The following PCDH17 variants were observed in gnomAD, a reference collection of about 807,000 sequenced individuals.
The protein encoded by PCDH17 is protocadherin-17.
PCDH17 carries 21 observed loss-of-function variants against 67.7 expected under a neutral mutation model. The ratio of observed to expected loss-of-function variants is 0.31; its 90% CI spans 0.22 to 0.45. The LOEUF (loss-of-function observed/expected upper bound fraction) is 0.45, where lower values mean the gene tolerates loss of function less well. Among genes scored for constraint, PCDH17 ranks in the 20% least tolerant of loss-of-function variants. The pLI is 1.00. For synonymous variants in PCDH17, 701 were observed against 656.7 expected, an observed-to-expected ratio of 1.07 and a Z score of -1.03; for missense variants, 1,471 against 1,564.8, an observed-to-expected ratio of 0.94 and a Z score of 1.01.
rs141382823 is a variant in PCDH17 at position 57,633,068 on chromosome 13, C to G, written c.522C>G (p.Asp174Glu). The G allele has an allele frequency of 2.5e-6, 4 of 1,613,346 alleles. No individual in the cohort carries two copies. Among genetic ancestry groups the G allele is most frequent in the Non-Finnish European group, 3.4e-6 (4 of 1,179,986 alleles). Residue 174 changes from aspartate (D) to glutamate (E), a missense_variant, in exon 1 of 4, where the codon GAC becomes GAG. Physicochemically the swap from Asp to Glu is conservative, Grantham distance 45 (BLOSUM62 2). Coordinates refer to ENST00000377918, the MANE Select transcript of PCDH17 (RefSeq NM_001040429.3). This position sits in a 1 kb window ranked among gnomAD's most constrained non-coding sequence, Gnocchi z 6.2. Reference sequence around the variant, plus strand: ...TCCGCACCTACCTGCTCACGCGCGACGATCACGGCCTCTTTGGACTGGACG... The same window carrying G: ...TCCGCACCTACCTGCTCACGCGCGAGGATCACGGCCTCTTTGGACTGGACG... The part of the protein sequence containing the change: ...NGLRTYLLTR[D>E]DHGLFGLDVK...
Position 57,725,199 on chromosome 13 carries a change from G to C in PCDH17, c.3385G>C (p.Gly1129Arg). 1 of 1,614,112 alleles carries C rather than the reference G, an allele frequency of 6.2e-7. No individual in the cohort carries two copies. Among genetic ancestry groups the C allele is most frequent in the Non-Finnish European group, 8.5e-7 (1 of 1,179,996 alleles). The change falls in exon 4 of 4, where the codon GGC becomes CGC. Residue 1129 changes from glycine (G) to arginine (R), a missense_variant. By Grantham distance (125) the Gly-to-Arg change is moderately radical (BLOSUM62 -2). Transcript: ENST00000377918. ...GCTTGACCACCCCAACAGGGATCTG[G>C]GCAGAGAGTCTGTGGATGCAGAGGA... Reference protein sequence around the residue: ...EQLDHPNRDLGRESVDAEEVV... With the variant: ...EQLDHPNRDLRRESVDAEEVV...
chr13:57,725,173 A>C lies in PCDH17; in HGVS notation c.3359A>C (p.Gln1120Pro). 6.2e-7 allele frequency: 1 copy of C among 1,614,174 alleles called. No individual in the cohort carries two copies. The highest frequency in any genetic ancestry group is 8.5e-7 in the Non-Finnish European group (1 of 1,180,022). ...AGTGAGATGGGTGCTGTTCTTGAGC[A>C]GCTTGACCACCCCAACAGGGATCTG... ...DSSEMGAVLE[Q>P]LDHPNRDLGR... The change falls in exon 4 of 4, where the codon CAG becomes CCG. Residue 1120 changes from glutamine to proline, a missense_variant. Coordinates refer to ENST00000377918, the MANE Select transcript of PCDH17 (RefSeq NM_001040429.3).
chr13:57,671,229 G>A (rs952885705), intron 3 of PCDH17, among the ~76,000 whole-genome samples: 2 of 150,858 alleles, frequency 1.3e-5, no homozygotes, highest in African/African-American at 2.4e-5. Context: ...TTAATAAAAA[G>A]GTAAATATGT....
intron 1 of PCDH17, among the ~76,000 whole-genome samples, chr13:57,652,957 C>T (rs1006220453): frequency 6.6e-6 from 1 of 152,116 alleles, no homozygotes; most frequent in African/African-American, 2.4e-5. Context: ...AAGGCTTCTA[C>T]ACGTTAAACA....
intron 1 of PCDH17, among the ~76,000 whole-genome samples, chr13:57,660,851 C>A (rs1226384106): frequency 1.3e-5 from 2 of 152,162 alleles, no homozygotes; most frequent in South Asian, 2.1e-4. Flanking sequence ...CGGGTTGTTA[C>A]AACAGTAGTC....
intron 3 of PCDH17, among the ~76,000 whole-genome samples, chr13:57,716,841 T>A (rs1196425890): frequency 6.6e-6 from 1 of 151,836 alleles, no homozygotes; most frequent in Non-Finnish European, 1.5e-5. Flanking sequence ...AAGATACCCC[T>A]CCTTGAAAAC....
chr13:57,693,315 C>CATTATATATATATATAT lies in PCDH17; in HGVS notation c.2797+26484_2797+26485insTATATATATATATATAT, dbSNP rs1555286761. The stretch of plus-strand genomic sequence containing the variant: ...CTTGGTATATTTGTTCACTTACATT[C>CATTATATATATATATAT]ATATATATATATATATATATATATA... On this transcript the variant is annotated intron_variant, in intron 3 of 3. Transcript: ENST00000377918. Among the ~76,000 whole-genome samples, 2 of 89,360 alleles carry CATTATATATATATATAT rather than the reference C, an allele frequency of 2.2e-5. 1 individual carries two copies. The highest frequency in any genetic ancestry group is 4.5e-5 in the Non-Finnish European group (2 of 44,720). 58.6% of individuals were successfully genotyped at this position (89,360 alleles called of 152,430 possible).
chr13:57,631,411 T>C (rs1954718467), upstream of PCDH17, among the ~76,000 whole-genome samples: 1 of 152,166 alleles, frequency 6.6e-6, no homozygotes, highest in Non-Finnish European at 1.5e-5. Context: ...CCTTTAAATG[T>C]GCACGTCCAA....
At chr13:57,685,158 G>A (rs1955494008) in intron 3 of PCDH17, among the ~76,000 whole-genome samples, 1 of 152,010 alleles carries the variant, frequency 6.6e-6, no homozygotes, top group Middle Eastern at 3.4e-3. Flanking sequence ...ATAGTAATTA[G>A]TATGTTATCT....
chr13:57,632,746 T>C lies in PCDH17; in HGVS notation c.200T>C (p.Leu67Pro), dbSNP rs774582428. ...AGCAAGTCGGGTAGCTACCGGGTGC[T>C]GGAGAACTCCGCACCGCACCTGCTG... ...GRSKSGSYRV[L>P]ENSAPHLLDV... The change falls in exon 1 of 4, where the codon CTG becomes CCG. Residue 67 changes from leucine (L) to proline (P), a missense_variant. By Grantham distance (98) the Leu-to-Pro change is moderately conservative (BLOSUM62 -3). Transcript: ENST00000377918. 6.2e-7 allele frequency: 1 copy of C among 1,612,502 alleles called. No homozygotes were observed. The highest frequency in any genetic ancestry group is 1.7e-5 in the Admixed American group (1 of 59,986).
At chr13:57,687,783 A>G (rs9537777) in intron 3 of PCDH17, among the ~76,000 whole-genome samples, 126,887 of 152,002 alleles carry the variant, frequency 0.83, 53,371 homozygotes, top group African/African-American at 0.94. Flanking sequence ...AGGATGAATA[A>G]CACAAATTCT....
At chr13:57,698,833 T>C (rs1955636204) in intron 3 of PCDH17, among the ~76,000 whole-genome samples, 1 of 151,928 alleles carries the variant, frequency 6.6e-6, no homozygotes, top group Admixed American at 6.6e-5. Context: ...CATATCTTTA[T>C]GAGAAATTAA....
chr13:57,641,587 A>ATATATAT (rs1275045088), intron 1 of PCDH17, among the ~76,000 whole-genome samples: 1 of 20,582 alleles, frequency 4.9e-5, no homozygotes, highest in African/African-American at 1.5e-4. Context: ...AAAAAAAAAA[A>ATATATAT]ATATATATAT....
chr13:57,698,312 C>A (rs1457954471), intron 3 of PCDH17, among the ~76,000 whole-genome samples: 1 of 151,580 alleles, frequency 6.6e-6, no homozygotes, highest in Admixed American at 6.6e-5. Flanking sequence ...ATTTTTTATT[C>A]ATATGCTTAA....
intron 1 of PCDH17, among the ~76,000 whole-genome samples, chr13:57,652,882 A>G (rs1368540134): frequency 6.6e-6 from 1 of 152,166 alleles, no homozygotes; most frequent in African/African-American, 2.4e-5. Flanking sequence ...AGTATAAATA[A>G]CTGCTGCTAT....
intron 3 of PCDH17, among the ~76,000 whole-genome samples, chr13:57,668,737 C>T (rs1007946522): frequency 4.0e-5 from 6 of 151,800 alleles, no homozygotes; most frequent in African/African-American, 1.2e-4. Context: ...GCCACACATC[C>T]CTATTAGTAA....
At chr13:57,706,747 G>C (rs1043001788) in intron 3 of PCDH17, among the ~76,000 whole-genome samples, 1 of 152,080 alleles carries the variant, frequency 6.6e-6, no homozygotes, top group Non-Finnish European at 1.5e-5. Context: ...TCCTTCCTCA[G>C]TAACTCCATC....
chr13:57,646,699 G>A (rs78447742), intron 1 of PCDH17, among the ~76,000 whole-genome samples: 13,563 of 151,664 alleles, frequency 0.089, 809 homozygotes, highest in Admixed American at 0.14. Flanking sequence ...TTCAACCTTC[G>A]TAGACAAGAG....
Position 57,715,046 on chromosome 13 carries a change from A to G in PCDH17, c.2798-9566A>G, listed in dbSNP as rs553248004. ...TAAAGGGAAATTATTCTGACCTCCAAGTTCGAGTAGAATATATGTCAGGCA... is the reference window on the plus strand; with the variant it reads ...TAAAGGGAAATTATTCTGACCTCCAGGTTCGAGTAGAATATATGTCAGGCA... On this transcript the variant is annotated intron_variant, in intron 3 of 3. Transcript: ENST00000377918. Among the ~76,000 whole-genome samples, 39 of 151,938 alleles carry G rather than the reference A, an allele frequency of 2.6e-4. No individual in the cohort carries two copies. The East Asian group carries it at 4.8e-3, about 19-fold the overall frequency.
Sources: allele counts gnomAD v4.1 joint callset (sites outside exome capture counted in the v4.1 genomes callset), GRCh38; gene constraint gnomAD v4.1.1; non-coding constraint Gnocchi (gnomAD v3.1); transcripts MANE v1.5; gene names NCBI Gene and HGNC (gene_info 2026-07-23, HGNC 2026-07-21).